Variants in TBC1D22A observed in about 807,000 individuals in gnomAD.
TBC1D22A encodes the protein TBC1 domain family member 22A, also known as putative GTPase activator.
A neutral mutation model predicts 60.2 loss-of-function variants in TBC1D22A; 38 were observed. That is an observed-to-expected ratio of 0.63 (90% CI 0.49 to 0.83). TBC1D22A has a LOEUF of 0.83. TBC1D22A is among the 40% of genes least tolerant of loss of function. TBC1D22A has a pLI of 0.00. For synonymous variants in TBC1D22A, 302 were observed against 281.7 expected, an observed-to-expected ratio of 1.07 and a Z score of -0.72; for missense variants, 628 against 701.0, an observed-to-expected ratio of 0.90 and a Z score of 1.18.
At chr22:47,039,070 G>A (rs943578346) in intron 11 of TBC1D22A, among the ~76,000 whole-genome samples, 13 of 152,160 alleles carry the variant, frequency 8.5e-5, no homozygotes, top group African/African-American at 2.9e-4. Flanking sequence ...AATAAATTAG[G>A]TATTAAGTCA....
intron 8 of TBC1D22A, among the ~76,000 whole-genome samples, chr22:46,954,511 T>G (rs1442606935): frequency 1.3e-5 from 2 of 152,174 alleles, no homozygotes; most frequent in Admixed American, 1.3e-4. Flanking sequence ...TTTCAACCCC[T>G]CTCATTGGCC....
chr22:46,941,530 T>C (rs989561362), intron 8 of TBC1D22A, among the ~76,000 whole-genome samples: 5 of 140,750 alleles, frequency 3.6e-5, no homozygotes, highest in South Asian at 2.1e-4. Flanking sequence ...ATACACGGAA[T>C]ATATATACGG....
intron 8 of TBC1D22A, among the ~76,000 whole-genome samples, chr22:46,943,322 A>C (rs2072294968): frequency 6.6e-6 from 1 of 152,204 alleles, no homozygotes; most frequent in Non-Finnish European, 1.5e-5. Context: ...CGGGGGCAGA[A>C]AGCAACCTTG....
chr22:46,807,508 A>G (rs888880834), intron 4 of TBC1D22A, among the ~76,000 whole-genome samples: 2 of 152,104 alleles, frequency 1.3e-5, no homozygotes, highest in Non-Finnish European at 2.9e-5. Context: ...TGACAAAGCC[A>G]TTTGCTTGAC....
intron 4 of TBC1D22A, among the ~76,000 whole-genome samples, chr22:46,853,855 G>A (rs1311788097): frequency 2.6e-5 from 4 of 152,192 alleles, no homozygotes; most frequent in African/African-American, 4.8e-5. Flanking sequence ...AGAGCTGGGC[G>A]CAGGCAGTTT....
intron 11 of TBC1D22A, among the ~76,000 whole-genome samples, chr22:47,065,684 G>A (rs2063752803): frequency 2.2e-5 from 1 of 45,210 alleles, no homozygotes; most frequent in Non-Finnish European, 3.8e-5. Context: ...CACATCCTCA[G>A]TTTCCCCATC....
At chr22:46,878,191 A>G (rs1214699668) in intron 4 of TBC1D22A, among the ~76,000 whole-genome samples, 1 of 150,038 alleles carries the variant, frequency 6.7e-6, no homozygotes, top group African/African-American at 2.5e-5. Flanking sequence ...ACCACATCAT[A>G]TATGTATGCT....
At chr22:46,897,640 G>C (rs111601653) in intron 7 of TBC1D22A, among the ~76,000 whole-genome samples, 2 of 108,378 alleles carry the variant, frequency 1.8e-5, no homozygotes, top group African/African-American at 8.5e-5. Flanking sequence ...GTTTCGTTTT[G>C]TTTTTTTTTG....
Position 47,104,679 on chromosome 22 carries a change from A to T in TBC1D22A, c.1330-6829A>T, listed in dbSNP as rs1478343509. 8.8e-5 allele frequency among the ~76,000 whole-genome samples: 13 copies of T among 148,454 alleles called. No homozygotes were observed. In the Admixed American group the frequency reaches 8.8e-4, roughly 10 times the overall value. On this transcript the variant is annotated intron_variant, in intron 11 of 12. Coordinates refer to ENST00000337137, the MANE Select transcript of TBC1D22A (RefSeq NM_014346.5). ...CATTGCACTCCAGCCTGGGCGACAG[A>T]GAAAGACTCTGTCTCAAAAAAAAAA...
intron 12 of TBC1D22A, among the ~76,000 whole-genome samples, chr22:47,145,665 G>A (rs2067261496): frequency 6.6e-6 from 1 of 152,176 alleles, no homozygotes; most frequent in South Asian, 2.1e-4. Flanking sequence ...TATGTTTATG[G>A]TATTTGCCAG....
At chr22:47,151,002 C>T (rs979045835) in intron 12 of TBC1D22A, among the ~76,000 whole-genome samples, 1 of 152,194 alleles carries the variant, frequency 6.6e-6, no homozygotes, top group African/African-American at 2.4e-5. Context: ...TGGCCTTGCT[C>T]TTCCTGCTGT....
intron 12 of TBC1D22A, among the ~76,000 whole-genome samples, chr22:47,165,653 C>G (rs749007627): frequency 2.6e-5 from 4 of 152,152 alleles, no homozygotes; most frequent in Non-Finnish European, 5.9e-5. Flanking sequence ...CCTCCTGGGA[C>G]AAGTTGCCCA....
intron 11 of TBC1D22A, among the ~76,000 whole-genome samples, chr22:47,050,238 CAA>C (rs2063163947): frequency 6.6e-6 from 1 of 151,930 alleles, no homozygotes; most frequent in South Asian, 2.1e-4. Flanking sequence ...CTCCTGACCT[CAA>C]GTGATCCGCC....
chr22:46,882,679 G>C (rs1045658751), intron 5 of TBC1D22A, among the ~76,000 whole-genome samples: 3 of 152,184 alleles, frequency 2.0e-5, no homozygotes. Flanking sequence ...AGATGGGAGG[G>C]ATTTATCCCA....
chr22:46,779,315 T>G (rs1405010423), intron 1 of TBC1D22A, among the ~76,000 whole-genome samples: 1 of 152,214 alleles, frequency 6.6e-6, no homozygotes, highest in African/African-American at 2.4e-5. Flanking sequence ...GTCCTATATG[T>G]GGTCTGTTGT....
chr22:47,158,470 T>A (rs947665967), intron 12 of TBC1D22A, among the ~76,000 whole-genome samples: 1 of 152,076 alleles, frequency 6.6e-6, no homozygotes, highest in Non-Finnish European at 1.5e-5. Flanking sequence ...TAGGGGGCAG[T>A]TCCCCCCCCA....
intron 12 of TBC1D22A, 109 bp from the exon 13 acceptor site, chr22:47,173,389 G>T (rs1601770025): frequency 8.9e-6 from 13 of 1,458,002 alleles, no homozygotes; most frequent in Middle Eastern, 1.8e-4. Context: ...CTGCACCGTG[G>T]GTCACCTCCT....
intron 4 of TBC1D22A, among the ~76,000 whole-genome samples, chr22:46,841,076 G>A (rs1031793726): frequency 6.6e-6 from 1 of 151,326 alleles, no homozygotes; most frequent in African/African-American, 2.4e-5. Flanking sequence ...GTGTGTGTGA[G>A]AGAGAGAGAG....
chr22:47,158,382 A>G (rs1464155265), intron 12 of TBC1D22A, among the ~76,000 whole-genome samples: 5 of 152,176 alleles, frequency 3.3e-5, no homozygotes, highest in Non-Finnish European at 5.9e-5. Flanking sequence ...AGAGTGGAGC[A>G]CTTCTTCTTA....
Sources: gnomAD v4.1 joint callset for allele counts (sites outside exome capture counted in the v4.1 genomes callset) on GRCh38, gnomAD v4.1.1 for gene constraint, MANE v1.5 for transcripts, NCBI Gene and HGNC (gene_info 2026-07-23, HGNC 2026-07-21) for gene names.